NTRK3: variants seen among roughly 807,000 people sequenced by gnomAD.
NTRK3 encodes NT-3 growth factor receptor.
A neutral mutation model predicts 91.7 loss-of-function variants in NTRK3; 24 were observed. That is an observed-to-expected ratio of 0.26 (90% CI 0.19 to 0.37). The LOEUF (loss-of-function observed/expected upper bound fraction) is 0.37. Ranked by LOEUF, NTRK3 falls within the 10% of genes least tolerant of loss-of-function variation. The pLI is 1.00. For synonymous variants in NTRK3, 483 were observed against 404.0 expected (o/e 1.20, Z -2.34); for missense variants, 880 against 1,068.9 (o/e 0.82, Z 2.46).
chr15:88,256,711 G>A, exon 1 of NTRK3: 1 of 371,930 alleles, frequency 2.7e-6, no homozygotes. Context: ...CGAATGGCTC[G>A]CCGCGCGGCT....
At chr15:88,185,427 A>G (rs576617154) in intron 3 of NTRK3, among the ~76,000 whole-genome samples, 67 of 152,248 alleles carry the variant, frequency 4.4e-4, no homozygotes, top group Non-Finnish European at 8.4e-4. Context: ...AACACCCCTC[A>G]TTACTGCTTT....
chr15:88,107,219 G>C (rs1463517414), intron 13 of NTRK3, among the ~76,000 whole-genome samples: 12 of 152,114 alleles, frequency 7.9e-5, no homozygotes. Context: ...GAGGTGAGCA[G>C]ATCGTTTGAG....
At chr15:88,075,078 C>T (rs926499569) in intron 13 of NTRK3, among the ~76,000 whole-genome samples, 1 of 152,166 alleles carries the variant, frequency 6.6e-6, no homozygotes, top group Non-Finnish European at 1.5e-5. Flanking sequence ...CCACCTTAAA[C>T]AATATCTCCC....
intron 13 of NTRK3, among the ~76,000 whole-genome samples, chr15:88,094,901 T>C (rs2049426032): frequency 1.3e-5 from 2 of 152,258 alleles, no homozygotes; most frequent in Non-Finnish European, 2.9e-5. Context: ...CGTAACAGAC[T>C]GAATCTGATT....
At chr15:88,127,205 G>A (rs1442871238) in exon 12 of NTRK3, 1 of 1,614,046 alleles carries the variant, frequency 6.2e-7, no homozygotes, top group Non-Finnish European at 8.5e-7. Flanking sequence ...AGTGATAGGA[G>A]GTGTGGGACT....
At chr15:87,949,777 C>T (rs8031871) in intron 14 of NTRK3, among the ~76,000 whole-genome samples, 49,955 of 151,964 alleles carry the variant, frequency 0.33, 8,434 homozygotes, top group South Asian at 0.48. Flanking sequence ...GGCAAGAGTG[C>T]CTCTGGCTCT....
intron 13 of NTRK3, among the ~76,000 whole-genome samples, chr15:88,073,870 C>T (rs1231849841): frequency 1.3e-5 from 2 of 151,092 alleles, no homozygotes; most frequent in African/African-American, 2.4e-5. Flanking sequence ...GAGAAAAAAG[C>T]ATGTGTCTCC....
intron 17 of NTRK3, among the ~76,000 whole-genome samples, chr15:87,917,538 A>G (rs1028211820): frequency 6.6e-6 from 1 of 152,220 alleles, no homozygotes; most frequent in Admixed American, 6.5e-5. Context: ...AAAAGATGCA[A>G]TTTAAAAATC....
intron 13 of NTRK3, among the ~76,000 whole-genome samples, chr15:88,117,913 A>G (rs1396448051): frequency 6.6e-6 from 1 of 152,168 alleles, no homozygotes; most frequent in East Asian, 1.9e-4. Flanking sequence ...GGTGGCAGAC[A>G]CACCTGCTTG....
intron 14 of NTRK3, among the ~76,000 whole-genome samples, chr15:87,999,843 G>T (rs1362017250): frequency 6.6e-6 from 1 of 152,138 alleles, no homozygotes; most frequent in Admixed American, 6.5e-5. Flanking sequence ...CTATTACATT[G>T]CAATATGATT....
rs569574591 is a variant in NTRK3, at chr15:88,180,414, A to C, written c.395+3004T>G. Among the ~76,000 whole-genome samples the C allele has an allele frequency of 1.1e-3, 169 of 152,366 alleles. 1 individual carries two copies. The highest frequency in any genetic ancestry group is 1.2e-3 in the Non-Finnish European group (83 of 68,040). On this transcript the variant is annotated intron_variant, in intron 5 of 18. Transcript: ENST00000394480. ...CTAAAGCAGTCAAGAGGAGATGGTC[A>C]GTCACTCATAAACCATGACGTAAGG...
intron 3 of NTRK3, among the ~76,000 whole-genome samples, chr15:88,191,655 C>T (rs568068988): frequency 2.0e-5 from 3 of 152,348 alleles, no homozygotes; most frequent in East Asian, 1.9e-4. Flanking sequence ...CTTTTGACTC[C>T]GAAGCCTTGT....
chr15:88,106,939 T>TAA (rs796587643), intron 13 of NTRK3, among the ~76,000 whole-genome samples: 91 of 122,904 alleles, frequency 7.4e-4, no homozygotes, highest in African/African-American at 2.1e-3. Context: ...TCTCAAAAAG[T>TAA]AAAAAAAAAA....
chr15:87,889,401 T>C (rs2065731287), intron 17 of NTRK3, among the ~76,000 whole-genome samples: 2 of 125,980 alleles, frequency 1.6e-5, no homozygotes, highest in African/African-American at 5.9e-5. Context: ...AGTTCCTTTT[T>C]TTTTTTTTTT....
intron 14 of NTRK3, among the ~76,000 whole-genome samples, chr15:88,007,620 GAGA>G (rs1423089507): frequency 6.6e-6 from 1 of 152,214 alleles, no homozygotes; most frequent in Non-Finnish European, 1.5e-5. Flanking sequence ...TGAGAAACAA[GAGA>G]AGGTTTGTGC....
At chr15:87,970,406 A>G (rs2073155961) in intron 14 of NTRK3, among the ~76,000 whole-genome samples, 1 of 152,228 alleles carries the variant, frequency 6.6e-6, no homozygotes, top group African/African-American at 2.4e-5. Flanking sequence ...CTGAGCCTAG[A>G]GCTGGGTAGC....
At position 88,153,445 on chromosome 15, in the gene NTRK3, C is replaced by T. The variant is rs867963480; in HGVS notation, c.396-6042G>A. Among the ~76,000 whole-genome samples, 10 of 151,958 alleles carry T rather than the reference C, an allele frequency of 6.6e-5. No homozygotes were observed. In the South Asian group the frequency reaches 8.4e-4, roughly 13 times the overall value. On this transcript the variant is annotated intron_variant, in intron 5 of 18. Coordinates refer to ENST00000394480, the Ensembl canonical transcript of NTRK3. ...TTTTAGTAGACACTAAAAATACATG[C>T]GGTTTCTCCATGTTGGTCAGGCTGG...
chr15:88,059,613 C>T (rs997293919), intron 13 of NTRK3, among the ~76,000 whole-genome samples: 6 of 152,118 alleles, frequency 3.9e-5, no homozygotes, highest in Non-Finnish European at 5.9e-5. Context: ...AACATGCTGC[C>T]GGGAAGTTTG....
chr15:88,021,235 G>A (rs1023960333), intron 14 of NTRK3, among the ~76,000 whole-genome samples: 7 of 152,180 alleles, frequency 4.6e-5, no homozygotes, highest in African/African-American at 1.2e-4. Flanking sequence ...ATGCAGCTAC[G>A]TCCTGTCCCT....
Sources: allele counts gnomAD v4.1 joint callset (sites outside exome capture counted in the v4.1 genomes callset), GRCh38; gene constraint gnomAD v4.1.1; transcripts MANE v1.5; gene names NCBI Gene and HGNC (gene_info 2026-07-23, HGNC 2026-07-21).